SUPT3H: variants seen among roughly 807,000 people sequenced by gnomAD.
The protein encoded by SUPT3H is transcription initiation protein SPT3 homolog.
A neutral mutation model predicts 44.3 loss-of-function variants in SUPT3H; 44 were observed. The observed-to-expected ratio is 0.99, with a 90% CI of 0.78 to 1.28. SUPT3H has a LOEUF of 1.28. Ranked by LOEUF, SUPT3H falls within the 50% of genes most tolerant of loss-of-function variation. The pLI is 0.00. For missense variants in SUPT3H, 380 were observed against 387.1 expected, an observed-to-expected ratio of 0.98 and a Z score of 0.15; for synonymous variants, 124 against 125.6, an observed-to-expected ratio of 0.99 and a Z score of 0.09.
intron 1 of SUPT3H, chr6:45,371,795 T>C (rs1301395483): frequency 2.0e-6 from 2 of 978,420 alleles, no homozygotes; most frequent in African/African-American, 3.5e-5. Context: ...CAAACATATA[T>C]GCAAATTGGT....
At chr6:45,227,399 T>C (rs1033245067) in intron 2 of SUPT3H, among the ~76,000 whole-genome samples, 1 of 152,208 alleles carries the variant, frequency 6.6e-6, no homozygotes, top group African/African-American at 2.4e-5. Flanking sequence ...GCCTTCACAA[T>C]TATGTTTAAC....
intron 2 of SUPT3H, among the ~76,000 whole-genome samples, chr6:45,172,085 T>A (rs1396934911): frequency 2.0e-5 from 3 of 149,424 alleles, no homozygotes; most frequent in Non-Finnish European, 4.5e-5. Flanking sequence ...TTTTTTTTTT[T>A]CTTTTTGAGA....
rs1351025788 is a variant in SUPT3H, at chr6:45,095,009, C to T, written c.186+10913G>A. ...TTATTCTAAACATATGCTTAATTTACTCCACAGTAGCAGACAGAAAGGCCG... is the reference window on the plus strand; with the variant it reads ...TTATTCTAAACATATGCTTAATTTATTCCACAGTAGCAGACAGAAAGGCCG... On this transcript the variant is annotated intron_variant, in intron 3 of 10. Coordinates refer to ENST00000371459, the MANE Select transcript of SUPT3H (RefSeq NM_003599.4). This position sits in a 1 kb window ranked among gnomAD's most constrained non-coding sequence, Gnocchi z 4.1. 6.6e-6 allele frequency among the ~76,000 whole-genome samples: 1 copy of T among 152,082 alleles called. No homozygotes were observed.
chr6:45,079,133 C>T (rs1337156259), intron 3 of SUPT3H, among the ~76,000 whole-genome samples: 1 of 152,024 alleles, frequency 6.6e-6, no homozygotes, highest in Non-Finnish European at 1.5e-5. Context: ...TATAGTGAAA[C>T]CCCGTCTCTA....
chr6:45,200,551 T>C (rs1010703190), intron 2 of SUPT3H, among the ~76,000 whole-genome samples: 3 of 151,512 alleles, frequency 2.0e-5, no homozygotes, highest in Admixed American at 6.6e-5. Context: ...TAATAGTACT[T>C]ATGATGTGCA....
intron 2 of SUPT3H, among the ~76,000 whole-genome samples, chr6:45,315,527 T>C (rs943548559): frequency 2.6e-5 from 4 of 151,890 alleles, no homozygotes; most frequent in Non-Finnish European, 5.9e-5. Context: ...CATGAAAAAA[T>C]GCTCAACATC....
intron 6 of SUPT3H, among the ~76,000 whole-genome samples, chr6:44,984,860 T>C (rs938676801): frequency 6.6e-6 from 1 of 152,152 alleles, no homozygotes; most frequent in African/African-American, 2.4e-5. Context: ...CTTTACATAG[T>C]AGGAAATATT....
At chr6:44,847,493 T>TTC (rs1772077605) in intron 10 of SUPT3H, among the ~76,000 whole-genome samples, 1 of 151,918 alleles carries the variant, frequency 6.6e-6, no homozygotes, top group Non-Finnish European at 1.5e-5. Flanking sequence ...GGGAAGATTT[T>TTC]TTTTTTTTTT....
At chr6:45,340,473 AC>A (rs1477815977) in intron 2 of SUPT3H, among the ~76,000 whole-genome samples, 5 of 151,858 alleles carry the variant, frequency 3.3e-5, no homozygotes, top group Non-Finnish European at 7.4e-5. Context: ...ACAGGCACGC[AC>A]CACCACGCCC....
intron 3 of SUPT3H, among the ~76,000 whole-genome samples, chr6:45,089,692 T>TC (rs1796903853): frequency 6.6e-6 from 1 of 151,646 alleles, no homozygotes; most frequent in Non-Finnish European, 1.5e-5. Context: ...ACATTTTTTT[T>TC]TCAAACTAGG....
chr6:44,916,969 C>T (rs1422339052), intron 10 of SUPT3H, among the ~76,000 whole-genome samples: 1 of 145,802 alleles, frequency 6.9e-6, no homozygotes, highest in Non-Finnish European at 1.5e-5. Context: ...CCTGTCTCTA[C>T]AAAAAACAAA....
rs140878558 is a variant in SUPT3H at position 45,376,622 on chromosome 6, C to T, written c.-1+1146G>A. On this transcript the variant is annotated intron_variant, in intron 1 of 10. Transcript: ENST00000371459. Reference sequence around the variant, plus strand: ...TTAGGCATACTTCGCTCCAACGTCCCGAATATCCTGAGATAAGAAACTTTC... The same window carrying T: ...TTAGGCATACTTCGCTCCAACGTCCTGAATATCCTGAGATAAGAAACTTTC... 5.4e-3 allele frequency among the ~76,000 whole-genome samples: 828 copies of T among 152,252 alleles called. 6 individuals carry two copies. Among genetic ancestry groups the T allele is most frequent in the Middle Eastern group, 0.01 (3 of 294 alleles).
At chr6:45,142,802 T>C (rs568720977) in intron 2 of SUPT3H, among the ~76,000 whole-genome samples, 2 of 114,362 alleles carry the variant, frequency 1.7e-5, no homozygotes, top group Non-Finnish European at 3.5e-5. Flanking sequence ...ACTAACCAAG[T>C]ATCTACTGTC....
chr6:44,877,095 T>C (rs1429619585), intron 10 of SUPT3H, among the ~76,000 whole-genome samples: 1 of 152,162 alleles, frequency 6.6e-6, no homozygotes, highest in Admixed American at 6.5e-5. Flanking sequence ...GTAGCCTTCT[T>C]TACTCCTTAC....
Position 44,964,245 on chromosome 6 carries a change from T to C in SUPT3H, c.505-2417A>G, listed in dbSNP as rs114368402. Among the ~76,000 whole-genome samples, 284 of 152,136 alleles carry C rather than the reference T, an allele frequency of 1.9e-3. 1 individual carries two copies. The highest frequency in any genetic ancestry group is 6.4e-3 in the African/African-American group (264 of 41,510). On this transcript the variant is annotated intron_variant, in intron 6 of 10. Transcript: ENST00000371459. ...TTTTATTCCACAGGGCAAATGACTA[T>C]CACCATAATGAAACTAGATCGAGAA...
chr6:45,022,786 C>T (rs1476671581), intron 3 of SUPT3H, among the ~76,000 whole-genome samples: 3 of 151,998 alleles, frequency 2.0e-5, no homozygotes, highest in Non-Finnish European at 2.9e-5. Flanking sequence ...GTAACTCATA[C>T]AAAAGTCATC....
intron 2 of SUPT3H, among the ~76,000 whole-genome samples, chr6:45,253,872 T>TATATATATATATATATAC (rs1491408260): frequency 2.6e-4 from 32 of 124,058 alleles, no homozygotes; most frequent in East Asian, 7.2e-4. Context: ...TATATATATA[T>TATATATATATATATATAC]ACACACACAC....
intron 2 of SUPT3H, among the ~76,000 whole-genome samples, chr6:45,276,906 A>T (rs899969224): frequency 6.6e-6 from 1 of 152,208 alleles, no homozygotes; most frequent in African/African-American, 2.4e-5. Flanking sequence ...AAGATACTTA[A>T]CTATATACTA....
chr6:44,867,607 A>G (rs1431907572), intron 10 of SUPT3H, among the ~76,000 whole-genome samples: 1 of 152,116 alleles, frequency 6.6e-6, no homozygotes, highest in Non-Finnish European at 1.5e-5. Context: ...CCCAATGCGG[A>G]CTTAGAATCA....
Sources: allele counts gnomAD v4.1 joint callset (sites outside exome capture counted in the v4.1 genomes callset), GRCh38; gene constraint gnomAD v4.1.1; non-coding constraint Gnocchi (gnomAD v3.1); transcripts MANE v1.5; gene names NCBI Gene and HGNC (gene_info 2026-07-23, HGNC 2026-07-21).